Variants in MAP7 observed in about 807,000 individuals in gnomAD.
The protein encoded by MAP7 is ensconsin.
A neutral mutation model predicts 94.8 loss-of-function variants in MAP7; 52 were observed. The ratio of observed to expected loss-of-function variants is 0.55; its 90% CI spans 0.44 to 0.69. MAP7 has a LOEUF of 0.69. MAP7 is among the 30% of genes least tolerant of loss of function. MAP7 has a pLI of 0.00. For missense variants in MAP7, 940 were observed against 964.6 expected, an observed-to-expected ratio of 0.97 and a Z score of 0.34; for synonymous variants, 350 against 357.0, an observed-to-expected ratio of 0.98 and a Z score of 0.22.
chr6:136,421,866 G>A, intron 1 of MAP7, 67 bp from the exon 2 acceptor site: 7 of 1,236,616 alleles, frequency 5.7e-6, no homozygotes, highest in Non-Finnish European at 8.0e-6. Flanking sequence ...AAACATTTAA[G>A]TATTCGACAT....
chr6:136,424,024 C>G (rs1208092187), intron 1 of MAP7, among the ~76,000 whole-genome samples: 1 of 151,918 alleles, frequency 6.6e-6, no homozygotes, highest in Non-Finnish European at 1.5e-5. Context: ...TCTCGAACTC[C>G]CAACCTCAGG....
At chr6:136,371,409 C>T (rs1397225821) in intron 8 of MAP7, among the ~76,000 whole-genome samples, 1 of 152,178 alleles carries the variant, frequency 6.6e-6, no homozygotes, top group African/African-American at 2.4e-5. Context: ...ACTTTCCAGA[C>T]ATCAAAGATT....
chr6:136,498,134 C>T (rs766211949), intron 1 of MAP7, among the ~76,000 whole-genome samples: 19 of 152,046 alleles, frequency 1.2e-4, no homozygotes, highest in Non-Finnish European at 2.6e-4. Context: ...CAGAAAAATG[C>T]ACATTAGGAC....
chr6:136,530,784 A>G (rs1828417690), intron 1 of MAP7, among the ~76,000 whole-genome samples: 1 of 145,338 alleles, frequency 6.9e-6, no homozygotes, highest in East Asian at 2.0e-4. Context: ...GATCTTCTTT[A>G]TTTGACCACT....
At chr6:136,473,901 A>G (rs1177880633) in intron 1 of MAP7, among the ~76,000 whole-genome samples, 1 of 152,086 alleles carries the variant, frequency 6.6e-6, no homozygotes, top group Admixed American at 6.6e-5. Flanking sequence ...GCTTACATCC[A>G]CTGGATGAAG....
chr6:136,449,601 G>C (rs1800481803), intron 1 of MAP7, among the ~76,000 whole-genome samples: 1 of 152,244 alleles, frequency 6.6e-6, no homozygotes, highest in South Asian at 2.1e-4. Flanking sequence ...TGATTGCTGG[G>C]AGATTATGTC....
intron 2 of MAP7, among the ~76,000 whole-genome samples, chr6:136,412,790 A>T (rs9402809): frequency 0.094 from 14,274 of 152,200 alleles, 1,419 homozygotes; most frequent in East Asian, 0.27. Flanking sequence ...TCTGCTGCCG[A>T]ATTAAAACAA....
At chr6:136,345,028 T>A (rs1420175682) in intron 17 of MAP7, among the ~76,000 whole-genome samples, 2 of 152,372 alleles carry the variant, frequency 1.3e-5, no homozygotes, top group East Asian at 3.9e-4. Flanking sequence ...ACAGTCATCT[T>A]CAGGGAAGAG....
At chr6:136,419,565 T>C (rs1163108502) in intron 2 of MAP7, among the ~76,000 whole-genome samples, 2 of 152,000 alleles carry the variant, frequency 1.3e-5, no homozygotes, top group Non-Finnish European at 2.9e-5. Flanking sequence ...AAGGCTGATA[T>C]TCAGGCCCCC....
intron 1 of MAP7, among the ~76,000 whole-genome samples, chr6:136,439,987 A>C (rs1169974556): frequency 2.0e-5 from 3 of 152,210 alleles, no homozygotes; most frequent in South Asian, 4.2e-4. Context: ...GTTCCATTTG[A>C]ACTCAGTTTA....
At chr6:136,429,707 A>G (rs913004955) in intron 1 of MAP7, among the ~76,000 whole-genome samples, 23 of 152,334 alleles carry the variant, frequency 1.5e-4, no homozygotes, top group African/African-American at 5.3e-4. Context: ...TTTCTGACAC[A>G]TTGCGCTGAC....
intron 1 of MAP7, among the ~76,000 whole-genome samples, chr6:136,485,285 T>C (rs1814263798): frequency 6.6e-6 from 1 of 152,232 alleles, no homozygotes; most frequent in Admixed American, 6.5e-5. Context: ...CTGATAGTTC[T>C]GGGATACACT....
chr6:136,386,886 C>T (rs183088409), intron 5 of MAP7, among the ~76,000 whole-genome samples: 2 of 152,348 alleles, frequency 1.3e-5, no homozygotes, highest in Non-Finnish European at 1.5e-5. Flanking sequence ...TCTTAGCTCA[C>T]TGTATCCTCA....
At chr6:136,398,656 C>G (rs1415926849) in intron 3 of MAP7, among the ~76,000 whole-genome samples, 1 of 152,170 alleles carries the variant, frequency 6.6e-6, no homozygotes, top group African/African-American at 2.4e-5. Flanking sequence ...CTCATTTGCT[C>G]TTGCCACCAC....
Position 136,439,918 on chromosome 6 carries a change from C to T in MAP7, c.68-18119G>A, listed in dbSNP as rs540075403. Among the ~76,000 whole-genome samples, 9 of 152,290 alleles carry T rather than the reference C, an allele frequency of 5.9e-5. No individual in the cohort carries two copies. The South Asian group carries it at 1.7e-3, about 28-fold the overall frequency. On this transcript the variant is annotated intron_variant, in intron 1 of 17. Transcript: ENST00000354570. The stretch of plus-strand genomic sequence containing the variant: ...CTGGCTCACGGGCCCACTTCATGCC[C>T]GGTCTCGCTCCTTCTTTGAAGGGTA...
chr6:136,354,098 G>T, intron 16 of MAP7, among the ~76,000 whole-genome samples: 1 of 129,274 alleles, frequency 7.7e-6, no homozygotes. Flanking sequence ...AGTAACTCTG[G>T]GAATCTACTA....
chr6:136,543,911 AT>A (rs1314956705), intron 1 of MAP7, among the ~76,000 whole-genome samples: 2 of 152,010 alleles, frequency 1.3e-5, no homozygotes, highest in African/African-American at 2.4e-5. Flanking sequence ...AAAATCCGTA[AT>A]TTTTTTTGCA....
At chr6:136,352,680 A>G (rs1354437813) in intron 16 of MAP7, among the ~76,000 whole-genome samples, 1 of 152,184 alleles carries the variant, frequency 6.6e-6, no homozygotes, top group East Asian at 1.9e-4. Context: ...CCCGACTGAT[A>G]CAGTAAACAT....
chr6:136,438,237 C>T (rs1796892678), intron 1 of MAP7, among the ~76,000 whole-genome samples: 1 of 152,188 alleles, frequency 6.6e-6, no homozygotes, highest in Non-Finnish European at 1.5e-5. Context: ...TCGTAATAGG[C>T]ATTGTGCTAG....
Sources: allele counts gnomAD v4.1 joint callset (sites outside exome capture counted in the v4.1 genomes callset), GRCh38; gene constraint gnomAD v4.1.1; transcripts MANE v1.5; gene names NCBI Gene and HGNC (gene_info 2026-07-23, HGNC 2026-07-21).